CDH11: variants seen among roughly 807,000 people sequenced by gnomAD.
The protein encoded by CDH11 is cadherin-11.
A neutral mutation model predicts 67.8 loss-of-function variants in CDH11; 11 were observed. The ratio of observed to expected loss-of-function variants is 0.16; its 90% CI spans 0.10 to 0.27. The LOEUF is 0.27. Among genes scored for constraint, CDH11 ranks in the 10% least tolerant of loss-of-function variants. CDH11 has a pLI of 1.00. For missense variants in CDH11, 847 were observed against 1,031.2 expected (o/e 0.82, Z 2.45); for synonymous variants, 419 against 400.0 (o/e 1.05, Z -0.57).
chr16:65,023,503 A>G lies in CDH11; in HGVS notation c.-172-18462T>C, dbSNP rs139115181. On this transcript the variant is annotated intron_variant, in intron 2 of 12. Transcript: ENST00000268603. ...GGAAGAAGTTTAAGAGCAAGTCCAC[A>G]GAGTAAAGTGAAAGCAAGTTTATTA... Among the ~76,000 whole-genome samples, 1,044 of 152,348 alleles carry G rather than the reference A, an allele frequency of 6.9e-3. 4 individuals carry two copies. Among genetic ancestry groups the G allele is most frequent in the Non-Finnish European group, 9.1e-3 (622 of 68,034 alleles).
At chr16:65,017,746 ATTC>A (rs1299822059) in intron 2 of CDH11, among the ~76,000 whole-genome samples, 2 of 152,150 alleles carry the variant, frequency 1.3e-5, no homozygotes, top group African/African-American at 2.4e-5. Flanking sequence ...TATGTTACCT[ATTC>A]TTCTTGTTTC....
chr16:65,122,057 G>T lies in CDH11; in HGVS notation c.-475C>A. The T allele has an allele frequency of 1.5e-6, 1 of 654,706 alleles. No homozygotes were observed. Among genetic ancestry groups the T allele is most frequent in the Non-Finnish European group, 2.7e-6 (1 of 366,868 alleles). The allele number at this position is 654,706 out of a possible 1,614,324, so 40.6% of individuals were successfully genotyped here. A position where few individuals can be genotyped will look rare whatever the true frequency, so the allele number is the denominator to read the frequency against. On this transcript the variant is annotated 5_prime_UTR_variant, in exon 1 of 13. Coordinates refer to ENST00000268603, the MANE Select transcript of CDH11 (RefSeq NM_001797.4). ...ACGCTCCCCTCAGCTGGCGGCGGCC[G>T]CGGAATGAGCCGCCGAGCGCGCTAG...
chr16:65,060,485 C>CT (rs796397259), intron 1 of CDH11, among the ~76,000 whole-genome samples: 5 of 151,842 alleles, frequency 3.3e-5, no homozygotes, highest in East Asian at 3.9e-4. Flanking sequence ...ACTTTTTAAA[C>CT]TTTTTTTTAG....
At chr16:65,017,209 C>A (rs1191813558) in intron 2 of CDH11, among the ~76,000 whole-genome samples, 2 of 152,148 alleles carry the variant, frequency 1.3e-5, no homozygotes, top group Non-Finnish European at 2.9e-5. Flanking sequence ...AACCTCCTGG[C>A]AATGCAGCCT....
chr16:64,965,771 AACACACACACAC>A (rs55992835), intron 11 of CDH11, among the ~76,000 whole-genome samples: 35,371 of 145,852 alleles, frequency 0.24, 5,133 homozygotes, highest in Non-Finnish European at 0.34. Flanking sequence ...CGGTGCATGA[AACACACACACAC>A]ACACACACAC....
intron 8 of CDH11, among the ~76,000 whole-genome samples, chr16:64,978,358 G>C (rs1597043527): frequency 6.6e-6 from 1 of 152,192 alleles, no homozygotes; most frequent in Admixed American, 6.5e-5. Context: ...CAAATGTTTA[G>C]CTTGTGCAGA....
chr16:65,022,304 G>T (rs1451497136), intron 2 of CDH11, among the ~76,000 whole-genome samples: 2 of 151,952 alleles, frequency 1.3e-5, no homozygotes, highest in African/African-American at 4.8e-5. Context: ...GCTTTTACTT[G>T]GAACTCTAAC....
intron 4 of CDH11, among the ~76,000 whole-genome samples, chr16:64,996,325 C>T (rs2072762894): frequency 6.6e-6 from 1 of 151,880 alleles, no homozygotes; most frequent in African/African-American, 2.4e-5. Flanking sequence ...CCCCTGTGTA[C>T]TAAAAATACA....
chr16:65,052,629 A>T (rs2074076742), intron 2 of CDH11, among the ~76,000 whole-genome samples: 1 of 152,192 alleles, frequency 6.6e-6, no homozygotes, highest in South Asian at 2.1e-4. Context: ...TGTTAAGAAA[A>T]GCTTATCTCT....
chr16:65,029,427 G>C (rs910623862), intron 2 of CDH11, among the ~76,000 whole-genome samples: 7 of 152,156 alleles, frequency 4.6e-5, no homozygotes, highest in Non-Finnish European at 1.0e-4. Flanking sequence ...ACTTGGCTCT[G>C]AGACTGAACT....
chr16:64,996,976 A>C (rs1489344564), intron 4 of CDH11, among the ~76,000 whole-genome samples: 1 of 152,034 alleles, frequency 6.6e-6, no homozygotes, highest in East Asian at 1.9e-4. Context: ...TCAGTGTTAC[A>C]CAGTATATTC....
chr16:64,961,625 G>T (rs928231115), intron 11 of CDH11, among the ~76,000 whole-genome samples: 6 of 151,956 alleles, frequency 3.9e-5, no homozygotes, highest in Non-Finnish European at 8.8e-5. Context: ...TATTAAAATT[G>T]TTCTCCCTTT....
chr16:64,947,026 T>C lies in CDH11; in HGVS notation c.*577A>G. On this transcript the variant is annotated 3_prime_UTR_variant, in exon 13 of 13. Coordinates refer to ENST00000268603, the MANE Select transcript of CDH11 (RefSeq NM_001797.4). ...CAGTTATATCTGGCACGTATTAGTT[T>C]AAGATGAAAGTAGAAGCAAAAAGAT... is the stretch of plus-strand genomic sequence containing the variant. 9.7e-7 allele frequency: 1 copy of C among 1,027,512 alleles called. No homozygotes were observed. Among genetic ancestry groups the C allele is most frequent in the East Asian group, 6.2e-5 (1 of 16,052 alleles). 63.6% of individuals were successfully genotyped at this position (1,027,512 alleles called of 1,614,324 possible).
At chr16:65,029,158 G>A (rs1222164122) in intron 2 of CDH11, among the ~76,000 whole-genome samples, 1 of 152,004 alleles carries the variant, frequency 6.6e-6, no homozygotes, top group Admixed American at 6.6e-5. Context: ...TTCCTTCTGA[G>A]AAGAAAAGAT....
intron 2 of CDH11, among the ~76,000 whole-genome samples, chr16:65,016,475 G>A (rs2142564245): frequency 6.6e-6 from 1 of 152,226 alleles, no homozygotes; most frequent in South Asian, 2.1e-4. Flanking sequence ...TCTTTTGTGG[G>A]TCTCAGATAA....
chr16:64,969,379 C>T lies in CDH11; in HGVS notation c.1642+2200G>A, dbSNP rs1280952485. ...AACAGTAATATTGCTAGGAATACAG[C>T]CCCAGGAGTTAGACCTCCAGTGTAA... On this transcript the variant is annotated intron_variant, in intron 11 of 12. Coordinates refer to ENST00000268603, the MANE Select transcript of CDH11 (RefSeq NM_001797.4). Among the ~76,000 whole-genome samples the T allele has an allele frequency of 2.0e-5, 3 of 152,078 alleles. No individual in the cohort carries two copies. The East Asian group carries it at 5.8e-4, about 29-fold the overall frequency.
chr16:64,962,541 GGGAACCCAGTCACA>G (rs1228746564), intron 11 of CDH11, among the ~76,000 whole-genome samples: 12 of 151,928 alleles, frequency 7.9e-5, no homozygotes, highest in African/African-American at 2.7e-4. Flanking sequence ...AAATCTCTAG[GGGAACCCAGTCACA>G]GGACCTCTCC....
At chr16:65,045,609 C>T (rs531617230) in intron 2 of CDH11, among the ~76,000 whole-genome samples, 4 of 151,970 alleles carry the variant, frequency 2.6e-5, no homozygotes, top group African/African-American at 7.2e-5. Flanking sequence ...GCCTTGAGCT[C>T]TGAGTCCCCC....
At position 64,947,673 on chromosome 16, in the gene CDH11, T is replaced by C; in HGVS notation, c.2321A>G (p.Asn774Ser). Residue 774 changes from asparagine to serine, a missense_variant, in exon 13 of 13, where the codon AAC becomes AGC. Asn to Ser is a conservative substitution (Grantham distance 46). This residue lies in a region of CDH11 where 612 missense variants were observed against 678.7 expected (regional missense o/e 0.90). Coordinates refer to ENST00000268603, the MANE Select transcript of CDH11 (RefSeq NM_001797.4). ...TAGTTTCTTAAAACGAGGTCCCCAG[T>C]TCTGTAGATAATCATAGTCCAAGTC... is the stretch of plus-strand genomic sequence containing the variant. Reference protein sequence around the residue: ...DSDLDYDYLQNWGPRFKKLAD... With the variant: ...DSDLDYDYLQSWGPRFKKLAD... 2 of 1,614,136 alleles carry C rather than the reference T, an allele frequency of 1.2e-6. No homozygotes were observed. The highest frequency in any genetic ancestry group is 1.7e-5 in the Admixed American group (1 of 60,034).
Sources: allele counts gnomAD v4.1 joint callset (sites outside exome capture counted in the v4.1 genomes callset), GRCh38; gene constraint gnomAD v4.1.1; regional missense constraint gnomAD v4.1.1; transcripts MANE v1.5; gene names NCBI Gene and HGNC (gene_info 2026-07-23, HGNC 2026-07-21).